TXNRD3: variants seen among roughly 807,000 people sequenced by gnomAD.
TXNRD3 encodes TXNRD3 neighbor gene protein.
A neutral mutation model predicts 78.2 loss-of-function variants in TXNRD3; 68 were observed. The ratio of observed to expected loss-of-function variants is 0.87; its 90% CI spans 0.72 to 1.06. The LOEUF (loss-of-function observed/expected upper bound fraction) is 1.06. Among genes scored for constraint, TXNRD3 ranks in the 50% least tolerant of loss-of-function variants. The pLI is 0.00. For synonymous variants in TXNRD3, 296 were observed against 300.1 expected, an observed-to-expected ratio of 0.99 and a Z score of 0.14; for missense variants, 751 against 809.5, an observed-to-expected ratio of 0.93 and a Z score of 0.88.
At chr3:126,615,090 C>T (rs1435865893) in intron 13 of TXNRD3, among the ~76,000 whole-genome samples, 1 of 152,180 alleles carries the variant, frequency 6.6e-6, no homozygotes, top group South Asian at 2.1e-4. Context: ...CTTCCTTGTA[C>T]AAGTTTGCTC....
intron 10 of TXNRD3, among the ~76,000 whole-genome samples, chr3:126,623,240 A>C (rs1038225687): frequency 2.6e-5 from 4 of 152,224 alleles, no homozygotes; most frequent in African/African-American, 9.6e-5. Flanking sequence ...CCAGACCCAG[A>C]CAGCTTCTAT....
At chr3:126,627,965 A>G (rs1309740416) in intron 10 of TXNRD3, among the ~76,000 whole-genome samples, 1 of 152,222 alleles carries the variant, frequency 6.6e-6, no homozygotes, top group Non-Finnish European at 1.5e-5. Context: ...AAATGCATAA[A>G]TTCTAAATAA....
chr3:126,644,450 C>T (rs1173765000), intron 3 of TXNRD3, 49 bp from the exon 4 acceptor site: 4 of 1,341,732 alleles, frequency 3.0e-6, no homozygotes, highest in South Asian at 1.3e-5. Flanking sequence ...TAAAGTTTTA[C>T]AGCTATTTAT....
chr3:126,624,861 G>A, intron 10 of TXNRD3: 1 of 213,790 alleles, frequency 4.7e-6, no homozygotes. Flanking sequence ...AGTGGCTGCA[G>A]ATCTAGGATG....
At chr3:126,611,794 C>T (rs1420266440) in intron 13 of TXNRD3, among the ~76,000 whole-genome samples, 1 of 152,082 alleles carries the variant, frequency 6.6e-6, no homozygotes, top group Non-Finnish European at 1.5e-5. Flanking sequence ...TGCTGAGTGA[C>T]AGAATTGGAA....
intron 12 of TXNRD3, among the ~76,000 whole-genome samples, chr3:126,615,856 C>T (rs1938307794): frequency 6.6e-6 from 1 of 152,222 alleles, no homozygotes; most frequent in Admixed American, 6.5e-5. Flanking sequence ...AATTATGCTA[C>T]TTCAGTGGAA....
chr3:126,638,118 T>A (rs1932953531), intron 6 of TXNRD3, among the ~76,000 whole-genome samples: 1 of 151,918 alleles, frequency 6.6e-6, no homozygotes, highest in South Asian at 2.1e-4. Flanking sequence ...TAATTTTTTG[T>A]ATTTTTAGTA....
At chr3:126,650,811 C>T (rs539241566) in intron 1 of TXNRD3, among the ~76,000 whole-genome samples, 9 of 152,148 alleles carry the variant, frequency 5.9e-5, no homozygotes, top group Non-Finnish European at 1.3e-4. Flanking sequence ...CTCTTTCTTA[C>T]CTACAGACTC....
chr3:126,617,138 C>G (rs1424337101), intron 12 of TXNRD3, among the ~76,000 whole-genome samples: 1 of 152,176 alleles, frequency 6.6e-6, no homozygotes, highest in Non-Finnish European at 1.5e-5. Flanking sequence ...TTGCCCCTTT[C>G]TCCTAAAAAC....
intron 10 of TXNRD3, among the ~76,000 whole-genome samples, chr3:126,628,915 T>C (rs1938644367): frequency 6.6e-6 from 1 of 152,140 alleles, no homozygotes; most frequent in Non-Finnish European, 1.5e-5. Flanking sequence ...CATAAATGTA[T>C]AGTTTCTGTC....
chr3:126,612,660 A>C (rs1938226547), intron 13 of TXNRD3, among the ~76,000 whole-genome samples: 1 of 152,168 alleles, frequency 6.6e-6, no homozygotes, highest in Non-Finnish European at 1.5e-5. Flanking sequence ...TGAAGGAAGG[A>C]GGTAAACACT....
At chr3:126,622,784 T>C (rs1938488987) in intron 10 of TXNRD3, among the ~76,000 whole-genome samples, 1 of 152,164 alleles carries the variant, frequency 6.6e-6, no homozygotes, top group Non-Finnish European at 1.5e-5. Flanking sequence ...TGAAATCCTA[T>C]CTCTAAGTAC....
In TXNRD3 at chr3:126,615,403, T is replaced by G. The variant is rs1304605628; in HGVS notation, c.1584A>C (p.Gly528=). The G allele has an allele frequency of 3.3e-6, 5 of 1,521,178 alleles. No individual in the cohort carries two copies. In the Admixed American group the frequency reaches 1.0e-4, roughly 32 times the overall value. 94.2% of individuals were successfully genotyped at this position (1,521,178 alleles called of 1,614,324 possible). ...CTTCAATAGCTTTCTCTTCAGATAA[T>G]CCACAGCAACCATACTCCAGAGGAG... Residue 528 remains glycine, a synonymous_variant, in exon 13 of 16, where the codon GGA becomes GGC. Transcript: ENST00000524230.
In TXNRD3 at chr3:126,646,106, A is replaced by T. The variant is rs1211528867; in HGVS notation, c.414+5T>A. 2 of 1,516,524 alleles carry T rather than the reference A, an allele frequency of 1.3e-6. No homozygotes were observed. The highest frequency in any genetic ancestry group is 1.8e-6 in the Non-Finnish European group (2 of 1,138,184). The allele number at this position is 1,516,524 out of a possible 1,614,324, so 93.9% of individuals were successfully genotyped here. On this transcript the variant is annotated splice_donor_5th_base_variant and intron_variant, in intron 3 of 15. Coordinates refer to ENST00000524230, the MANE Select transcript of TXNRD3 (RefSeq NM_052883.3). ...GCATTGAAGAACATATAATAGTATT[A>T]TTACCTGGAAAGTTTGGTCACATCC...
intron 12 of TXNRD3, among the ~76,000 whole-genome samples, chr3:126,618,211 G>GA (rs1413424503): frequency 6.6e-6 from 1 of 152,072 alleles, no homozygotes; most frequent in Non-Finnish European, 1.5e-5. Context: ...CACAGTAGTA[G>GA]AAAAAACAAT....
chr3:126,652,100 G>C (rs969847075), intron 1 of TXNRD3, among the ~76,000 whole-genome samples: 3 of 152,124 alleles, frequency 2.0e-5, no homozygotes, highest in African/African-American at 7.2e-5. Flanking sequence ...ATTGGCTCAC[G>C]GTTCTGTAGA....
chr3:126,609,844 C>T (rs1938154372), intron 14 of TXNRD3, among the ~76,000 whole-genome samples: 2 of 152,168 alleles, frequency 1.3e-5, no homozygotes, highest in African/African-American at 4.8e-5. Flanking sequence ...CAGCGGCTCT[C>T]CCATCAAACC....
In TXNRD3 at chr3:126,630,828, T is replaced by A. The variant is rs371123771; in HGVS notation, c.1081A>T (p.Thr361Ser). 3.3e-6 allele frequency: 5 copies of A among 1,535,734 alleles called. No individual in the cohort carries two copies. In the African/African-American group the frequency reaches 5.5e-5, roughly 17 times the overall value. Residue 361 changes from threonine (T) to serine (S), a missense_variant, in exon 9 of 16, where the codon ACA (threonine) becomes TCA (serine). Physicochemically the swap from Thr to Ser is moderately conservative, Grantham distance 58. Coordinates refer to ENST00000524230, the MANE Select transcript of TXNRD3 (RefSeq NM_052883.3). The stretch of plus-strand genomic sequence containing the variant: ...AGAAGGATTGAGCGTACCATAACTG[T>A]GACATCTAGGCCAAAGCCAGCCAGA...
chr3:126,619,674 G>A (rs1303929890), intron 12 of TXNRD3, among the ~76,000 whole-genome samples: 4 of 152,196 alleles, frequency 2.6e-5, no homozygotes, highest in Non-Finnish European at 5.9e-5. Flanking sequence ...TAATTCACAA[G>A]AATTCATTGC....
Sources: gnomAD v4.1 joint callset for allele counts (sites outside exome capture counted in the v4.1 genomes callset) on GRCh38, gnomAD v4.1.1 for gene constraint, MANE v1.5 for transcripts, NCBI Gene and HGNC (gene_info 2026-07-23, HGNC 2026-07-21) for gene names.